The following ABHD5 variants were observed in gnomAD, a reference collection of about 807,000 sequenced individuals.
ABHD5 encodes the protein abhydrolase domain containing 5, lysophosphatidic acid acyltransferase.
A neutral mutation model predicts 44.9 loss-of-function variants in ABHD5; 30 were observed. The observed-to-expected ratio is 0.67, with a 90% CI of 0.50 to 0.91. The LOEUF (loss-of-function observed/expected upper bound fraction) is 0.91. Among genes scored for constraint, ABHD5 ranks in the 40% least tolerant of loss-of-function variants. The pLI, the probability that ABHD5 is intolerant of heterozygous loss-of-function variation, is 0.00. For missense variants in ABHD5, 399 were observed against 423.4 expected, an observed-to-expected ratio of 0.94 and a Z score of 0.50; for synonymous variants, 167 against 147.0, an observed-to-expected ratio of 1.14 and a Z score of -0.99.
intron 1 of ABHD5, among the ~76,000 whole-genome samples, chr3:43,694,258 CAAA>C (rs80129256): frequency 2.2e-5 from 1 of 45,546 alleles, no homozygotes; most frequent in East Asian, 6.0e-4. Context: ...GACTCCGTCT[CAAA>C]AAAAAAAAAA....
At chr3:43,700,921 G>C (rs529377654) in intron 2 of ABHD5, among the ~76,000 whole-genome samples, 6 of 152,166 alleles carry the variant, frequency 3.9e-5, no homozygotes, top group Non-Finnish European at 7.4e-5. Flanking sequence ...CCATATACTT[G>C]GGTAAACTTG....
At chr3:43,709,106 A>G (rs922944531) in intron 3 of ABHD5, among the ~76,000 whole-genome samples, 1 of 152,246 alleles carries the variant, frequency 6.6e-6, no homozygotes, top group Non-Finnish European at 1.5e-5. Flanking sequence ...AAATTTGTAT[A>G]TCCTTAATAG....
In ABHD5 at chr3:43,717,934, G is replaced by A. The variant is rs2084788190; in HGVS notation, c.960+77G>A. On this transcript the variant is annotated intron_variant, in intron 6 of 6. Transcript: ENST00000644371. ...TTATCTCCCTTAAAAGAGGTTTTAGGTCATCCTCGTGTTGCAGGTCATCTG... is the reference window on the plus strand; with the variant it reads ...TTATCTCCCTTAAAAGAGGTTTTAGATCATCCTCGTGTTGCAGGTCATCTG... 3 of 1,583,966 alleles carry A rather than the reference G, an allele frequency of 1.9e-6. No homozygotes were observed. In the Admixed American group the frequency reaches 5.0e-5, roughly 26 times the overall value.
rs35935629 is a variant in ABHD5 at position 43,700,576 on chromosome 3, A to AT, written c.133+1230dup. 3.6e-3 allele frequency among the ~76,000 whole-genome samples: 524 copies of AT among 144,706 alleles called. 1 individual carries two copies. Among genetic ancestry groups the AT allele is most frequent in the African/African-American group, 3.5e-3 (140 of 39,698 alleles). 94.9% of individuals were successfully genotyped at this position (144,706 alleles called of 152,430 possible). A position where few individuals can be genotyped will look rare whatever the true frequency, so the allele number is the denominator to read the frequency against. ...AGGGATAATTAGCCATCTTTCATGAATTTTTTTTTTTTTTTGAGATGGAGC... is the reference window on the plus strand; with the variant it reads ...AGGGATAATTAGCCATCTTTCATGAATTTTTTTTTTTTTTTTGAGATGGAGC... On this transcript the variant is annotated intron_variant, in intron 2 of 6. Coordinates refer to ENST00000644371, the MANE Select transcript of ABHD5 (RefSeq NM_016006.6).
intron 3 of ABHD5, among the ~76,000 whole-genome samples, chr3:43,709,337 C>T (rs1037999529): frequency 6.6e-6 from 1 of 152,170 alleles, no homozygotes; most frequent in African/African-American, 2.4e-5. Flanking sequence ...AGTATATATA[C>T]TTTGCATAAT....
intron 3 of ABHD5, among the ~76,000 whole-genome samples, chr3:43,703,982 A>G (rs2084581559): frequency 6.6e-6 from 1 of 151,234 alleles, no homozygotes; most frequent in Admixed American, 6.6e-5. Context: ...TTAAAAAGAA[A>G]TGCAAATTTT....
chr3:43,730,190 C>T (rs2084903857), intron 7 of ABHD5, among the ~76,000 whole-genome samples: 1 of 152,204 alleles, frequency 6.6e-6, no homozygotes, highest in African/African-American at 2.4e-5. Flanking sequence ...GCTCAGTTAA[C>T]TTATTGGAGC....
At chr3:43,718,283 A>G (rs188055954) in intron 6 of ABHD5, among the ~76,000 whole-genome samples, 160 bp from the exon 7 acceptor site, 1 of 152,366 alleles carries the variant, frequency 6.6e-6, no homozygotes, top group East Asian at 1.9e-4. Flanking sequence ...TTTAATGGAT[A>G]TACTTAATAG....
chr3:43,722,953 A>C (rs2084853312), downstream of ABHD5, among the ~76,000 whole-genome samples: 1 of 152,154 alleles, frequency 6.6e-6, no homozygotes, highest in South Asian at 2.1e-4. Flanking sequence ...TCACAGCTCA[A>C]TAGTAAGGCC....
At position 43,720,048 on chromosome 3, in the gene ABHD5, T is replaced by A. The variant is rs1013273864; in HGVS notation, c.*1516T>A. 6.6e-6 allele frequency: 1 copy of A among 152,234 alleles called. No homozygotes were observed. Among genetic ancestry groups the A allele is most frequent in the Non-Finnish European group, 1.5e-5 (1 of 68,034 alleles). The allele number at this position is 152,234 out of a possible 1,614,324, so 9.4% of individuals were successfully genotyped here. On this transcript the variant is annotated 3_prime_UTR_variant, in exon 7 of 7. Coordinates refer to ENST00000644371, the MANE Select transcript of ABHD5 (RefSeq NM_016006.6). Reference sequence around the variant, plus strand: ...ATAGACAAATTATACTGAAGCATGATATAAACATCTTCCCAATGAACAATT... The same window carrying A: ...ATAGACAAATTATACTGAAGCATGAAATAAACATCTTCCCAATGAACAATT...
rs1033263791 is a variant in ABHD5 at position 43,702,417 on chromosome 3, T to C, written c.336T>C (p.Phe112=). 1 of 1,614,250 alleles carries C rather than the reference T, an allele frequency of 6.2e-7. No individual in the cohort carries two copies. ...TCTATGCTTTTGACCTATTGGGTTTTGGACGAAGTAGTAGACCCAGGTTTG... is the reference window on the plus strand; with the variant it reads ...TCTATGCTTTTGACCTATTGGGTTTCGGACGAAGTAGTAGACCCAGGTTTG... The part of the protein sequence containing the change: ...RPVYAFDLLG[F]GRSSRPRFDS... Residue 112 remains phenylalanine (F), a synonymous_variant, in exon 3 of 7, where the codon TTT becomes TTC. Coordinates refer to ENST00000644371, the MANE Select transcript of ABHD5 (RefSeq NM_016006.6).
At chr3:43,710,340 C>T (rs1409167712) in intron 3 of ABHD5, among the ~76,000 whole-genome samples, 2 of 152,168 alleles carry the variant, frequency 1.3e-5, no homozygotes, top group African/African-American at 2.4e-5. Flanking sequence ...TTTACCTTTA[C>T]TAATATGTCT....
chr3:43,703,535 G>GTAGT, intron 3 of ABHD5, among the ~76,000 whole-genome samples: 1 of 152,222 alleles, frequency 6.6e-6, no homozygotes, highest in Non-Finnish European at 1.5e-5. Flanking sequence ...CTCTGAGAGA[G>GTAGT]GGTCACATTT....
chr3:43,699,614 G>A, intron 2 of ABHD5: 1 of 391,896 alleles, frequency 2.6e-6, no homozygotes. Context: ...TTTGTTTATG[G>A]GCTTATTATC....
chr3:43,717,322 T>C (rs2084777597), intron 5 of ABHD5, among the ~76,000 whole-genome samples: 1 of 152,204 alleles, frequency 6.6e-6, no homozygotes. Context: ...GCTGGTGCCA[T>C]GAACCTGGGG....
Position 43,720,494 on chromosome 3 carries a change from T to A in ABHD5, c.*1962T>A, listed in dbSNP as rs1254705257. On this transcript the variant is annotated 3_prime_UTR_variant, in exon 7 of 7. Transcript: ENST00000644371. The stretch of plus-strand genomic sequence containing the variant: ...TGCTTTATTTGAAAGATGTTGTAAC[T>A]CTTTTTAAAGTTAGATTTTACCCTG... The A allele has an allele frequency of 1.3e-5, 2 of 152,262 alleles. No individual in the cohort carries two copies. Among genetic ancestry groups the A allele is most frequent in the Non-Finnish European group, 2.9e-5 (2 of 68,050 alleles). 9.4% of individuals were successfully genotyped at this position (152,262 alleles called of 1,614,324 possible). A position where few individuals can be genotyped will look rare whatever the true frequency, so the allele number is the denominator to read the frequency against.
downstream of ABHD5, among the ~76,000 whole-genome samples, chr3:43,726,014 C>T (rs2084875521): frequency 6.6e-6 from 1 of 152,006 alleles, no homozygotes; most frequent in African/African-American, 2.4e-5. Flanking sequence ...TATAGGCGCC[C>T]ACCACCATGC....
intron 5 of ABHD5, among the ~76,000 whole-genome samples, chr3:43,716,503 A>G (rs2084764883): frequency 6.6e-6 from 1 of 152,080 alleles, no homozygotes; most frequent in Non-Finnish European, 1.5e-5. Flanking sequence ...AAATATGTAC[A>G]CCTACTTTAT....
rs759036867 is a variant in ABHD5, at chr3:43,702,603, A to G, written c.506+16A>G. 9.3e-6 allele frequency: 15 copies of G among 1,614,146 alleles called. No homozygotes were observed. Among genetic ancestry groups the G allele is most frequent in the Non-Finnish European group, 1.1e-5 (13 of 1,179,990 alleles). ...ACCCATCAAGGTAAGTGGTGGTGAC[A>G]GAAGAGAGGGATTATAACTGTGCTT... On this transcript the variant is annotated intron_variant, in intron 3 of 6. Transcript: ENST00000644371.
Sources: gnomAD v4.1 joint callset for allele counts (sites outside exome capture counted in the v4.1 genomes callset) on GRCh38, gnomAD v4.1.1 for gene constraint, MANE v1.5 for transcripts, NCBI Gene and HGNC (gene_info 2026-07-23, HGNC 2026-07-21) for gene names.